Variants in LRP1B observed in about 807,000 individuals in gnomAD.
The protein encoded by LRP1B is low-density lipoprotein receptor-related protein 1B.
Under a neutral mutation model 556.6 loss-of-function variants are expected in LRP1B, and 217 were observed. The observed-to-expected ratio is 0.39, with a 90% CI of 0.35 to 0.44. LRP1B has a LOEUF of 0.44. LRP1B is among the 20% of genes least tolerant of loss of function. The pLI, the probability that LRP1B is intolerant of heterozygous loss-of-function variation, is 1.00. For missense variants in LRP1B, 5,053 were observed against 5,620.8 expected (o/e 0.90, Z 3.23); for synonymous variants, 2,047 against 1,865.8 (o/e 1.10, Z -2.50).
intron 7 of LRP1B, among the ~76,000 whole-genome samples, chr2:141,149,179 A>G (rs1159800860): frequency 6.6e-6 from 1 of 152,120 alleles, no homozygotes. Flanking sequence ...GTCTCAGAAT[A>G]AAAAGGGTTT....
chr2:142,026,212 G>GATTC (rs1456636936), intron 1 of LRP1B, among the ~76,000 whole-genome samples: 1 of 152,092 alleles, frequency 6.6e-6, no homozygotes, highest in East Asian at 1.9e-4. Context: ...GATAGAGTTT[G>GATTC]ATTCACATTT....
At chr2:140,872,862 G>A (rs886181028) in intron 25 of LRP1B, among the ~76,000 whole-genome samples, 7 of 151,464 alleles carry the variant, frequency 4.6e-5, no homozygotes, top group Non-Finnish European at 8.8e-5. Context: ...AAAAAAAAAA[G>A]GTCTTTATGA....
At chr2:141,245,130 C>A (rs1270009112) in intron 5 of LRP1B, among the ~76,000 whole-genome samples, 2 of 152,126 alleles carry the variant, frequency 1.3e-5, no homozygotes, top group Non-Finnish European at 2.9e-5. Context: ...AAATAACAAG[C>A]CTTCCACTTC....
chr2:140,347,751 C>A (rs1246502440), intron 77 of LRP1B, among the ~76,000 whole-genome samples: 1 of 151,878 alleles, frequency 6.6e-6, no homozygotes, highest in Non-Finnish European at 1.5e-5. Flanking sequence ...TCTATTGATT[C>A]AGAGATAGGT....
At chr2:141,005,517 T>C in intron 14 of LRP1B, 60 bp from the exon 15 acceptor site, 5 of 1,540,274 alleles carry the variant, frequency 3.2e-6, no homozygotes, top group Non-Finnish European at 4.5e-6. Context: ...TTCTAGGAGG[T>C]GAACATAGAT....
At position 140,855,493 on chromosome 2, in the gene LRP1B, G is replaced by GGAAA. The variant is rs570169727; in HGVS notation, c.4580-3711_4580-3710insTTTC. ...GACAGGTAGGTCCCATCTCTACTGG[G>GGAAA]AAAAAAAAAAAATTTGAATGGCTTC... On this transcript the variant is annotated intron_variant, in intron 27 of 90. Transcript: ENST00000389484. 1.6e-4 allele frequency among the ~76,000 whole-genome samples: 16 copies of GGAAA among 99,404 alleles called. 1 individual carries two copies. The highest frequency in any genetic ancestry group is 1.0e-3 in the East Asian group (4 of 3,878). The allele number at this position is 99,404 out of a possible 152,430, so 65.2% of individuals were successfully genotyped here.
chr2:140,713,041 G>A (rs182420444), intron 37 of LRP1B, among the ~76,000 whole-genome samples: 1 of 151,836 alleles, frequency 6.6e-6, no homozygotes, highest in Admixed American at 6.6e-5. Flanking sequence ...CTCTTTCTTG[G>A]GTAACCTCGT....
chr2:140,820,703 A>T (rs1010906185), intron 31 of LRP1B, among the ~76,000 whole-genome samples: 5 of 152,182 alleles, frequency 3.3e-5, no homozygotes, highest in African/African-American at 1.2e-4. Context: ...AATAGAACAA[A>T]ATATTTTTAA....
intron 2 of LRP1B, among the ~76,000 whole-genome samples, chr2:141,515,230 A>T (rs910221619): frequency 6.6e-6 from 1 of 150,758 alleles, no homozygotes; most frequent in Admixed American, 6.7e-5. Flanking sequence ...TGAACCTGGG[A>T]GGTGGAGGTT....
At chr2:141,652,147 G>A (rs1444996769) in intron 2 of LRP1B, among the ~76,000 whole-genome samples, 2 of 152,056 alleles carry the variant, frequency 1.3e-5, no homozygotes, top group African/African-American at 4.8e-5. Context: ...GCTCTATTTA[G>A]CATTATAGTG....
intron 86 of LRP1B, among the ~76,000 whole-genome samples, chr2:140,254,271 T>C (rs1681577591): frequency 6.6e-6 from 1 of 152,164 alleles, no homozygotes; most frequent in African/African-American, 2.4e-5. Flanking sequence ...TTTAGGGCAA[T>C]AGTAGCATAT....
At chr2:141,078,648 A>G (rs1166570130) in intron 7 of LRP1B, among the ~76,000 whole-genome samples, 1 of 152,180 alleles carries the variant, frequency 6.6e-6, no homozygotes. Flanking sequence ...AAATGAAGCA[A>G]GCATGAAGAA....
intron 2 of LRP1B, among the ~76,000 whole-genome samples, chr2:141,518,559 G>T (rs1684409347): frequency 6.6e-6 from 1 of 152,114 alleles, no homozygotes; most frequent in South Asian, 2.1e-4. Context: ...CTAAAAAATT[G>T]ATCTTGTTGT....
intron 31 of LRP1B, among the ~76,000 whole-genome samples, chr2:140,816,601 C>CTA (rs1470964427): frequency 5.3e-5 from 8 of 152,040 alleles, no homozygotes; most frequent in Non-Finnish European, 1.0e-4. Flanking sequence ...ATTAATCTCT[C>CTA]TATATATATG....
At chr2:141,604,796 C>T (rs1687856849) in intron 2 of LRP1B, among the ~76,000 whole-genome samples, 1 of 152,136 alleles carries the variant, frequency 6.6e-6, no homozygotes, top group Admixed American at 6.5e-5. Flanking sequence ...CATCCCTTCT[C>T]CACTGAAAGC....
intron 29 of LRP1B, among the ~76,000 whole-genome samples, chr2:140,843,218 A>G (rs898093784): frequency 3.3e-5 from 5 of 151,800 alleles, no homozygotes; most frequent in African/African-American, 1.2e-4. Flanking sequence ...CCACTCCTAA[A>G]TTGTAAAGCA....
intron 56 of LRP1B, among the ~76,000 whole-genome samples, chr2:140,493,065 T>C (rs1322627135): frequency 6.6e-6 from 1 of 152,160 alleles, no homozygotes; most frequent in East Asian, 1.9e-4. Flanking sequence ...AAAACATTCT[T>C]ATGATCAGAA....
chr2:141,386,418 T>C lies in LRP1B; in HGVS notation c.343+93978A>G, dbSNP rs570554417. 3.3e-5 allele frequency among the ~76,000 whole-genome samples: 5 copies of C among 152,166 alleles called. No homozygotes were observed. The East Asian group carries it at 5.8e-4, about 18-fold the overall frequency. Reference sequence around the variant, plus strand: ...AAACTCTCCAATTAAAACACAAAGATAGGCAGAATATGCTTTTTAAAAAAG... The same window carrying C: ...AAACTCTCCAATTAAAACACAAAGACAGGCAGAATATGCTTTTTAAAAAAG... On this transcript the variant is annotated intron_variant, in intron 3 of 90. Coordinates refer to ENST00000389484, the MANE Select transcript of LRP1B (RefSeq NM_018557.3).
chr2:141,005,306 C>T (rs767353547), intron 15 of LRP1B, 29 bp downstream of exon 15: 8 of 1,604,738 alleles, frequency 5.0e-6, no homozygotes, highest in Middle Eastern at 3.3e-4. Context: ...GCCCGATAAA[C>T]AAATAAGGGT....
Sources: allele counts gnomAD v4.1 joint callset (sites outside exome capture counted in the v4.1 genomes callset), GRCh38; gene constraint gnomAD v4.1.1; transcripts MANE v1.5; gene names NCBI Gene and HGNC (gene_info 2026-07-23, HGNC 2026-07-21).